Variants in PTPRR observed in about 807,000 individuals in gnomAD.
PTPRR encodes the protein protein tyrosine phosphatase receptor type R, also known as receptor-type tyrosine-protein phosphatase R.
A neutral mutation model predicts 77.2 loss-of-function variants in PTPRR; 38 were observed. The observed-to-expected ratio is 0.49, with a 90% confidence interval of 0.38 to 0.65. The LOEUF is 0.65. PTPRR is among the 30% of genes least tolerant of loss of function. The pLI is 0.00. For missense variants in PTPRR, 744 were observed against 799.2 expected (o/e 0.93, Z 0.83); for synonymous variants, 299 against 283.1 (o/e 1.06, Z -0.57).
At chr12:70,783,223 T>C (rs1040131572) in intron 2 of PTPRR, among the ~76,000 whole-genome samples, 1 of 152,152 alleles carries the variant, frequency 6.6e-6, no homozygotes, top group Non-Finnish European at 1.5e-5. Context: ...AGACCCACTG[T>C]TGATAGCTCT....
intron 10 of PTPRR, among the ~76,000 whole-genome samples, chr12:70,663,997 G>A (rs1886888147): frequency 1.3e-5 from 2 of 152,116 alleles, no homozygotes; most frequent in South Asian, 4.1e-4. Flanking sequence ...CACACCTCCA[G>A]GGCTCTATTA....
chr12:70,762,131 T>G (rs1442259954), intron 3 of PTPRR, among the ~76,000 whole-genome samples: 1 of 152,344 alleles, frequency 6.6e-6, no homozygotes, highest in Non-Finnish European at 1.5e-5. Flanking sequence ...TTCCTGATAC[T>G]GTTCTTCACG....
chr12:70,756,743 T>C (rs186195645), intron 4 of PTPRR, among the ~76,000 whole-genome samples: 2 of 152,314 alleles, frequency 1.3e-5, no homozygotes, highest in East Asian at 3.9e-4. Context: ...AATAATTTGA[T>C]GCACTATAGC....
chr12:70,673,123 G>A (rs1281025413), intron 10 of PTPRR: 1 of 758,142 alleles, frequency 1.3e-6, no homozygotes, highest in African/African-American at 1.8e-5. Flanking sequence ...CTTGGAGAAG[G>A]AGGATGAGAG....
intron 2 of PTPRR, among the ~76,000 whole-genome samples, chr12:70,829,124 T>G (rs953001578): frequency 6.6e-6 from 1 of 152,046 alleles, no homozygotes; most frequent in Non-Finnish European, 1.5e-5. Context: ...AAGCTCCATG[T>G]GGGCAGTAAC....
chr12:70,792,891 T>C (rs1486833257), intron 2 of PTPRR, among the ~76,000 whole-genome samples: 2 of 152,088 alleles, frequency 1.3e-5, no homozygotes, highest in Non-Finnish European at 2.9e-5. Flanking sequence ...CTTCCAAAAT[T>C]GAAGAATTTT....
At chr12:70,717,394 C>T (rs1182057347) in intron 6 of PTPRR, among the ~76,000 whole-genome samples, 2 of 152,082 alleles carry the variant, frequency 1.3e-5, no homozygotes, top group Admixed American at 1.3e-4. Flanking sequence ...CTAAGCTATA[C>T]CAGTGACATT....
Position 70,759,624 on chromosome 12 carries a change from T to G in PTPRR, c.627+1847A>C, listed in dbSNP as rs531956844. On this transcript the variant is annotated intron_variant, in intron 4 of 13. Coordinates refer to ENST00000283228, the MANE Select transcript of PTPRR (RefSeq NM_002849.4). Reference sequence around the variant, plus strand: ...TGAACTCGGGAGGCAGAGCTTGCAGTGAGCCGAGATGCACCACTGCACTCC... The same window carrying G: ...TGAACTCGGGAGGCAGAGCTTGCAGGGAGCCGAGATGCACCACTGCACTCC... Among the ~76,000 whole-genome samples the G allele has an allele frequency of 1.1e-4, 14 of 131,434 alleles. 1 individual carries two copies. In the Admixed American group the frequency reaches 1.1e-3, roughly 10 times the overall value. The allele number at this position is 131,434 out of a possible 152,430, so 86.2% of individuals were successfully genotyped here. A position where few individuals can be genotyped will look rare whatever the true frequency, so the allele number is the denominator to read the frequency against.
chr12:70,672,692 G>A (rs12580618), intron 10 of PTPRR: 74,946 of 1,544,292 alleles, frequency 0.049, 3,369 homozygotes, highest in Admixed American at 0.2. Flanking sequence ...ACAGAGGAGC[G>A]GATAGCGTGG....
Position 70,661,089 on chromosome 12 carries a change from G to T in PTPRR, c.1617C>A (p.Ser539Arg), listed in dbSNP as rs1287827694. 2.5e-6 allele frequency: 4 copies of T among 1,608,114 alleles called. No homozygotes were observed. The African/African-American group carries it at 4.0e-5, about 16-fold the overall frequency. ...AGTAATGCTTCACATGTTGGGTGTG[G>T]CTTCCTTGCTGAAAATAGCAACAGC... The part of the protein sequence containing the change: ...TIRNLVLKQG[S>R]HTQHVKHYWY... The change falls in exon 12 of 14, where the codon AGC (serine) becomes AGA (arginine). Residue 539 changes from serine (S) to arginine (R), a missense_variant. Transcript: ENST00000283228.
intron 2 of PTPRR, among the ~76,000 whole-genome samples, chr12:70,813,433 C>A (rs560667423): frequency 6.6e-6 from 1 of 152,162 alleles, no homozygotes; most frequent in African/African-American, 2.4e-5. Context: ...AGAAATTTCC[C>A]TTTGAAATCA....
intron 2 of PTPRR, among the ~76,000 whole-genome samples, chr12:70,765,182 G>A (rs894075761): frequency 9.9e-5 from 15 of 152,034 alleles, no homozygotes; most frequent in East Asian, 1.9e-4. Flanking sequence ...GCAGTGCACC[G>A]TGCACGAGCC....
chr12:70,768,945 G>C (rs1890898472), intron 2 of PTPRR, among the ~76,000 whole-genome samples: 2 of 151,294 alleles, frequency 1.3e-5, no homozygotes, highest in African/African-American at 4.9e-5. Flanking sequence ...AAAAGCCTTT[G>C]ACAAAATTCA....
At chr12:70,803,621 C>T (rs898566559) in intron 2 of PTPRR, among the ~76,000 whole-genome samples, 5 of 151,964 alleles carry the variant, frequency 3.3e-5, no homozygotes, top group South Asian at 2.1e-4. Context: ...AGGATCATGC[C>T]GAGACAATGC....
intron 1 of PTPRR, among the ~76,000 whole-genome samples, chr12:70,910,315 TTTTG>T (rs1439324544): frequency 6.6e-6 from 1 of 152,132 alleles, no homozygotes; most frequent in African/African-American, 2.4e-5. Flanking sequence ...CCAAATGTTT[TTTTG>T]TTTGTTTGTT....
chr12:70,658,661 A>C (rs1310328291), intron 12 of PTPRR, among the ~76,000 whole-genome samples: 1 of 152,140 alleles, frequency 6.6e-6, no homozygotes, highest in African/African-American at 2.4e-5. Flanking sequence ...ACTATGGGAA[A>C]TAAAGATAGA....
intron 10 of PTPRR, among the ~76,000 whole-genome samples, chr12:70,664,922 G>C (rs979976549): frequency 6.6e-6 from 1 of 152,162 alleles, no homozygotes; most frequent in African/African-American, 2.4e-5. Flanking sequence ...TGAGGTGGGG[G>C]ACAGCTGCAA....
chr12:70,662,519 G>GTAGT lies in PTPRR; in HGVS notation c.1580_1583dup (p.Tyr528Ter), dbSNP rs780230326. ...CCTTTAAGACAAGGTTTCGAATGGT[G>GTAGT]TAGTTATCACATTCATTTACACTGA... On this transcript the variant is annotated stop_gained and frameshift_variant, in exon 11 of 14. Coordinates refer to ENST00000283228, the MANE Select transcript of PTPRR (RefSeq NM_002849.4). LOFTEE classifies it high-confidence loss of function. The GTAGT allele has an allele frequency of 6.2e-7, 1 of 1,607,238 alleles. No individual in the cohort carries two copies. The highest frequency in any genetic ancestry group is 8.5e-7 in the Non-Finnish European group (1 of 1,174,546).
chr12:70,683,994 A>T lies in PTPRR; in HGVS notation c.1497+133T>A, dbSNP rs79645442. 1.2e-3 allele frequency: 1,163 copies of T among 932,262 alleles called. 20 individuals are homozygous for T. In the East Asian group the frequency reaches 0.026, roughly 21 times the overall value. 57.7% of individuals were successfully genotyped at this position (932,262 alleles called of 1,614,324 possible). On this transcript the variant is annotated intron_variant, in intron 10 of 13. Coordinates refer to ENST00000283228, the MANE Select transcript of PTPRR (RefSeq NM_002849.4). Reference sequence around the variant, plus strand: ...ATAGCACTTATTATATTTGGGATGTATTAAGTGACTTAGCCTTTAAATGTC... The same window carrying T: ...ATAGCACTTATTATATTTGGGATGTTTTAAGTGACTTAGCCTTTAAATGTC...
Sources: gnomAD v4.1 joint callset for allele counts (sites outside exome capture counted in the v4.1 genomes callset) on GRCh38, gnomAD v4.1.1 for gene constraint, MANE v1.5 for transcripts, NCBI Gene and HGNC (gene_info 2026-07-23, HGNC 2026-07-21) for gene names.